SAMD4B: variants seen among roughly 807,000 people sequenced by gnomAD.
SAMD4B encodes the protein sterile alpha motif domain containing 4B.
A neutral mutation model predicts 74.5 loss-of-function variants in SAMD4B; 5 were observed. The ratio of observed to expected loss-of-function variants is 0.07; its 90% CI spans 0.04 to 0.14. The LOEUF (loss-of-function observed/expected upper bound fraction) is 0.14, where lower values mean the gene tolerates loss of function less well. Among genes scored for constraint, SAMD4B ranks in the 10% least tolerant of loss-of-function variants. The pLI, the probability that SAMD4B is intolerant of heterozygous loss-of-function variation, is 1.00. For synonymous variants in SAMD4B, 373 were observed against 374.9 expected, an observed-to-expected ratio of 1.00 and a Z score of 0.06; for missense variants, 608 against 921.8, an observed-to-expected ratio of 0.66 and a Z score of 4.41.
chr19:39,347,034 G>A (rs1245872737), intron 1 of SAMD4B, among the ~76,000 whole-genome samples: 2 of 152,112 alleles, frequency 1.3e-5, no homozygotes, highest in Non-Finnish European at 2.9e-5. Flanking sequence ...TAAAGTGATA[G>A]AACCTTAGCT....
intron 9 of SAMD4B, among the ~76,000 whole-genome samples, chr19:39,379,640 G>T (rs1311895033): frequency 6.6e-6 from 1 of 151,950 alleles, no homozygotes; most frequent in African/African-American, 2.4e-5. Context: ...GCGCAGTCTC[G>T]GCTCACTGCA....
chr19:39,348,115 G>GAACATTCTA (rs1166624672), intron 1 of SAMD4B, among the ~76,000 whole-genome samples: 1 of 152,134 alleles, frequency 6.6e-6, no homozygotes, highest in East Asian at 1.9e-4. Context: ...TCTGGGAGTG[G>GAACATTCTA]AACATTCTAA....
At chr19:39,363,642 G>T (rs1407252720) in intron 3 of SAMD4B, among the ~76,000 whole-genome samples, 5 of 152,190 alleles carry the variant, frequency 3.3e-5, no homozygotes, top group African/African-American at 1.2e-4. Context: ...AGGCCTTACA[G>T]TCCCCATTTA....
chr19:39,377,564 G>A lies in SAMD4B; in HGVS notation c.1184G>A (p.Ser395Asn), dbSNP rs2077676976. ...ATCATCACTCCCATCAAGGCCTACA[G>A]TGTCCTCCAGGCCACCGTGGCTGCC... Reference protein sequence around the residue: ...QIIITPIKAYSVLQATVAAAT... With the variant: ...QIIITPIKAYNVLQATVAAAT... The change falls in exon 8 of 14, where the codon AGT becomes AAT. Residue 395 changes from serine (S) to asparagine (N), a missense_variant. Ser to Asn is a conservative substitution (Grantham distance 46, BLOSUM62 1). This residue lies in a region of SAMD4B where 99 missense variants were observed against 112.1 expected (regional missense o/e 0.88). Coordinates refer to ENST00000610417, the MANE Select transcript of SAMD4B (RefSeq NM_001384574.2). The A allele has an allele frequency of 1.9e-6, 3 of 1,613,382 alleles. No homozygotes were observed. Among genetic ancestry groups the A allele is most frequent in the Admixed American group, 3.3e-5 (2 of 59,950 alleles).
At position 39,375,788 on chromosome 19, in the gene SAMD4B, C is replaced by G. The variant is rs1350485786; in HGVS notation, c.806C>G (p.Pro269Arg). 6.2e-7 allele frequency: 1 copy of G among 1,614,008 alleles called. No individual in the cohort carries two copies. The highest frequency in any genetic ancestry group is 8.5e-7 in the Non-Finnish European group (1 of 1,180,046). ...GCTTTTACCACGCCCGATCACGCAC[C>G]TCTCTCGCCCCAGAGCAGCGTGGCC... ...RAAFTTPDHA[P>R]LSPQSSVASS... The change falls in exon 5 of 14, where the codon CCT becomes CGT. Residue 269 changes from proline to arginine, a missense_variant. By Grantham distance (103) the Pro-to-Arg change is moderately radical (BLOSUM62 -2). Around this residue, in one of 9 missense-constraint regions of SAMD4B, gnomAD observed 31 missense variants for 43.4 expected, o/e 0.71. Transcript: ENST00000610417. The surrounding 1 kb of genome is among the most constrained non-coding windows in gnomAD (Gnocchi z 4.1).
At chr19:39,343,985 C>A (rs1473264809) in intron 1 of SAMD4B, among the ~76,000 whole-genome samples, 1 of 71,614 alleles carries the variant, frequency 1.4e-5, no homozygotes, top group East Asian at 4.2e-4. Flanking sequence ...TTTCAGGACC[C>A]CCCCCCCCCA....
downstream of SAMD4B, chr19:39,389,839 T>G: frequency 6.4e-7 from 1 of 1,574,096 alleles, no homozygotes; most frequent in Admixed American, 1.7e-5. This position sits in a 1 kb window ranked among gnomAD's most constrained non-coding sequence, Gnocchi z 5.3. Flanking sequence ...AGGCGGAGCT[T>G]CTCTGGGGAG....
At chr19:39,373,868 G>T (rs1021295560) in intron 4 of SAMD4B, among the ~76,000 whole-genome samples, 9 of 152,288 alleles carry the variant, frequency 5.9e-5, no homozygotes, top group African/African-American at 2.2e-4. Flanking sequence ...GGAGGCTGAG[G>T]CAGGAGAATT....
Position 39,377,550 on chromosome 19 carries a change from C to G in SAMD4B, c.1170C>G (p.Pro390=), listed in dbSNP as rs1335781214. Residue 390 remains proline, a synonymous_variant, in exon 8 of 14, where the codon CCC becomes CCG. Coordinates refer to ENST00000610417, the MANE Select transcript of SAMD4B (RefSeq NM_001384574.2). ...LQELQQIIIT[P]IKAYSVLQAT... is the part of the protein sequence containing the mutation. The stretch of plus-strand genomic sequence containing the variant: ...AGCTGCAGCAGATCATCATCACTCC[C>G]ATCAAGGCCTACAGTGTCCTCCAGG... 6.2e-7 allele frequency: 1 copy of G among 1,609,286 alleles called. No individual in the cohort carries two copies. Among genetic ancestry groups the G allele is most frequent in the South Asian group, 1.1e-5 (1 of 90,788 alleles).
At chr19:39,390,414 G>T, downstream of SAMD4B, 1 of 860,116 alleles carries the variant, frequency 1.2e-6, no homozygotes, top group Non-Finnish European at 1.9e-6. Flanking sequence ...GGGTGGTGGT[G>T]TGGGGAGTGT....
chr19:39,374,812 G>A lies in SAMD4B; in HGVS notation c.668-838G>A, dbSNP rs1037310085. On this transcript the variant is annotated intron_variant, in intron 4 of 13. Transcript: ENST00000610417. ...GCCCAGATCGTGCCACTGCACTCTGGCCTAGTGACAGAGCAAGACTCCATC... is the reference window on the plus strand; with the variant it reads ...GCCCAGATCGTGCCACTGCACTCTGACCTAGTGACAGAGCAAGACTCCATC... Among the ~76,000 whole-genome samples the A allele has an allele frequency of 2.6e-5, 4 of 152,164 alleles. No individual in the cohort carries two copies. The East Asian group carries it at 7.7e-4, about 29-fold the overall frequency.
In SAMD4B at chr19:39,378,306, G is replaced by A. The variant is rs1360967111; in HGVS notation, c.1445-198G>A. On this transcript the variant is annotated intron_variant, in intron 8 of 13. Coordinates refer to ENST00000610417, the MANE Select transcript of SAMD4B (RefSeq NM_001384574.2). This position sits in a 1 kb window ranked among gnomAD's most constrained non-coding sequence, Gnocchi z 4.4. ...GCTTTAGGTTTCTAAGGCTAAAAAT[G>A]TGTGTAGTGACAAGATTGTGTCAGG... Among the ~76,000 whole-genome samples, 3 of 152,182 alleles carry A rather than the reference G, an allele frequency of 2.0e-5. No homozygotes were observed. Among genetic ancestry groups the A allele is most frequent in the Non-Finnish European group, 4.4e-5 (3 of 68,024 alleles).
downstream of SAMD4B, chr19:39,385,921 A>G: frequency 6.3e-7 from 1 of 1,588,632 alleles, no homozygotes; most frequent in Non-Finnish European, 8.5e-7. Flanking sequence ...AGGCTCACAA[A>G]CAGACCACTA....
downstream of SAMD4B, chr19:39,389,893 G>A: frequency 7.7e-7 from 1 of 1,296,456 alleles, no homozygotes; most frequent in South Asian, 1.2e-5. This position sits in a 1 kb window ranked among gnomAD's most constrained non-coding sequence, Gnocchi z 5.3. Flanking sequence ...CTGAAAGCTG[G>A]CTCCCCAGTG....
chr19:39,385,806 A>C (rs1392263101), downstream of SAMD4B: 18 of 825,846 alleles, frequency 2.2e-5, no homozygotes, highest in Non-Finnish European at 2.4e-5. Context: ...GGGTTGCGGG[A>C]GGTATGTGCT....
downstream of SAMD4B, chr19:39,389,985 T>C: frequency 1.7e-6 from 2 of 1,189,782 alleles, no homozygotes; most frequent in East Asian, 2.3e-5. This position sits in a 1 kb window ranked among gnomAD's most constrained non-coding sequence, Gnocchi z 5.3. Flanking sequence ...TGCTAGGCCC[T>C]GAGCAGACAG....
chr19:39,345,103 T>C (rs1172208949), intron 1 of SAMD4B, among the ~76,000 whole-genome samples: 1 of 152,148 alleles, frequency 6.6e-6, no homozygotes. Context: ...AATCAAGAGT[T>C]TTTAACAAAC....
chr19:39,390,108 A>G (rs2078342986), downstream of SAMD4B: 1 of 1,613,872 alleles, frequency 6.2e-7, no homozygotes. Flanking sequence ...CTTGGGGTCG[A>G]AGGGGATATC....
intron 3 of SAMD4B, among the ~76,000 whole-genome samples, chr19:39,361,192 G>A (rs753816626): frequency 6.6e-6 from 1 of 152,076 alleles, no homozygotes; most frequent in African/African-American, 2.4e-5. Flanking sequence ...ATTATTCTAG[G>A]GCAAGAGTTC....
Sources: allele counts gnomAD v4.1 joint callset (sites outside exome capture counted in the v4.1 genomes callset), GRCh38; gene constraint gnomAD v4.1.1; regional missense constraint gnomAD v4.1.1; non-coding constraint Gnocchi (gnomAD v3.1); transcripts MANE v1.5; gene names NCBI Gene and HGNC (gene_info 2026-07-23, HGNC 2026-07-21).